The following LY75 variants were observed in gnomAD, a reference collection of about 807,000 sequenced individuals.
LY75 encodes C-type lectin domain family 13 member B.
Under a neutral mutation model 231.7 loss-of-function variants are expected in LY75, and 185 were observed. The ratio of observed to expected loss-of-function variants is 0.80; its 90% confidence interval spans 0.71 to 0.90. The LOEUF (loss-of-function observed/expected upper bound fraction) is 0.90, where lower values mean the gene tolerates loss of function less well. LY75 is among the 40% of genes least tolerant of loss of function. The pLI, the probability that LY75 is intolerant of heterozygous loss-of-function variation, is 0.00. For missense variants in LY75, 1,947 were observed against 2,050.2 expected, an observed-to-expected ratio of 0.95 and a Z score of 0.97; for synonymous variants, 668 against 689.0, an observed-to-expected ratio of 0.97 and a Z score of 0.48.
chr2:159,835,956 G>A (rs34270319), intron 25 of LY75, among the ~76,000 whole-genome samples: 2,096 of 152,152 alleles, frequency 0.014, 20 homozygotes, highest in Admixed American at 0.029. Context: ...CCAGGCTGTC[G>A]ATCCCCAGAG....
At position 159,850,433 on chromosome 2, in the gene LY75, A is replaced by T. The variant is rs767547119; in HGVS notation, c.2918T>A (p.Phe973Tyr). 3.7e-6 allele frequency: 6 copies of T among 1,613,694 alleles called. No individual in the cohort carries two copies. The South Asian group carries it at 6.6e-5, about 18-fold the overall frequency. ...FLKIKPVSLT[F>Y]SQASDTCHSY... is the part of the protein sequence containing the mutation. ...GTGACAGGTATCGCTTGCTTGAGAA[A>T]ATGTGAGAGACACGGGTTTGATCTT... Residue 973 changes from phenylalanine (F) to tyrosine (Y), a missense_variant, in exon 22 of 35, where the codon TTT becomes TAT. Phe to Tyr is a conservative substitution (Grantham distance 22, BLOSUM62 3). Coordinates refer to ENST00000263636, the MANE Select transcript of LY75 (RefSeq NM_002349.4).
intron 28 of LY75, among the ~76,000 whole-genome samples, chr2:159,829,467 T>C (rs1454477978): frequency 6.6e-6 from 1 of 152,188 alleles, no homozygotes; most frequent in African/African-American, 2.4e-5. Context: ...GGCCCTGCTA[T>C]TGAAAAATCA....
At chr2:159,883,922 G>A (rs1199554776) in intron 6 of LY75, among the ~76,000 whole-genome samples, 1 of 152,122 alleles carries the variant, frequency 6.6e-6, no homozygotes, top group African/African-American at 2.4e-5. Context: ...CCTTAAAGCA[G>A]GACATTTAAA....
intron 30 of LY75, among the ~76,000 whole-genome samples, chr2:159,816,363 T>C (rs1038515278): frequency 6.6e-6 from 1 of 152,202 alleles, no homozygotes; most frequent in Non-Finnish European, 1.5e-5. Context: ...GATGGTACTT[T>C]GTATAAACTT....
chr2:159,885,390 T>A (rs1685554356), intron 5 of LY75, 97 bp from the exon 6 acceptor site: 1 of 1,474,918 alleles, frequency 6.8e-7, no homozygotes, highest in African/African-American at 1.4e-5. Context: ...TATGCTTTTA[T>A]GGGAACTCAT....
At chr2:159,892,486 G>A (rs1230306370) in intron 3 of LY75, among the ~76,000 whole-genome samples, 1 of 152,142 alleles carries the variant, frequency 6.6e-6, no homozygotes, top group Admixed American at 6.6e-5. Flanking sequence ...ACCTTTCAGG[G>A]TTGCTGTGAG....
chr2:159,841,217 T>C (rs1684016765), intron 24 of LY75, among the ~76,000 whole-genome samples: 2 of 152,330 alleles, frequency 1.3e-5, no homozygotes, highest in South Asian at 4.1e-4. Context: ...TGCAAATAAA[T>C]GTAACCTGCA....
In LY75 at chr2:159,864,914, C is replaced by G. The variant is rs1165526551; in HGVS notation, c.2124G>C (p.Gln708His). ...LHFLTDQFSG[Q>H]HWLWIGLNKR... ...TATTCAAACCAATCCACAGCCAATG[C>G]TGGCCACTATGTAAAAAGCAAGTGT... Residue 708 changes from glutamine to histidine, a missense_variant, in exon 14 of 35, where the codon CAG (glutamine) becomes CAC (histidine). Coordinates refer to ENST00000263636, the MANE Select transcript of LY75 (RefSeq NM_002349.4). 2.5e-6 allele frequency: 4 copies of G among 1,598,812 alleles called. No homozygotes were observed. The highest frequency in any genetic ancestry group is 2.6e-6 in the Non-Finnish European group (3 of 1,173,676).
intron 29 of LY75, among the ~76,000 whole-genome samples, chr2:159,817,305 T>C (rs1683149889): frequency 1.3e-5 from 2 of 152,208 alleles, no homozygotes; most frequent in African/African-American, 4.8e-5. Flanking sequence ...GCTGAAATGA[T>C]GGCAAAACTG....
chr2:159,854,286 A>C (rs917824369), intron 18 of LY75, 74 bp downstream of exon 18: 28 of 1,192,024 alleles, frequency 2.3e-5, no homozygotes, highest in Non-Finnish European at 2.7e-5. Flanking sequence ...ATTTTGGCAA[A>C]ATTTTTGTAA....
intron 28 of LY75, among the ~76,000 whole-genome samples, chr2:159,827,451 A>T (rs574923805): frequency 1.3e-5 from 2 of 152,352 alleles, no homozygotes; most frequent in African/African-American, 4.8e-5. Context: ...TTAAAAAGTC[A>T]GGAACAACAG....
chr2:159,822,646 G>C (rs1234527503), intron 28 of LY75, among the ~76,000 whole-genome samples: 1 of 152,160 alleles, frequency 6.6e-6, no homozygotes, highest in African/African-American at 2.4e-5. Flanking sequence ...TCCTCAAGTG[G>C]GTCTCTGACC....
intron 4 of LY75, among the ~76,000 whole-genome samples, chr2:159,887,121 T>G (rs573119493): frequency 6.9e-6 from 1 of 145,948 alleles, no homozygotes; most frequent in Non-Finnish European, 1.5e-5. Context: ...ATATATATAT[T>G]ATATATAATA....
chr2:159,904,693 C>A lies in LY75; in HGVS notation c.-11G>T. 2.1e-6 allele frequency: 3 copies of A among 1,421,302 alleles called. No individual in the cohort carries two copies. The highest frequency in any genetic ancestry group is 1.5e-5 in the South Asian group (1 of 68,692). 88.0% of individuals were successfully genotyped at this position (1,421,302 alleles called of 1,614,324 possible). On this transcript the variant is annotated 5_prime_UTR_variant, in exon 1 of 35. Coordinates refer to ENST00000263636, the MANE Select transcript of LY75 (RefSeq NM_002349.4). Reference sequence around the variant, plus strand: ...CCAGCCTGTCCTCATCCTGAGCTGGCGCAAGCCTTCCGGCCGGGTCCTCGG... The same window carrying A: ...CCAGCCTGTCCTCATCCTGAGCTGGAGCAAGCCTTCCGGCCGGGTCCTCGG...
At chr2:159,836,129 A>G (rs1362062827) in intron 25 of LY75, among the ~76,000 whole-genome samples, 1 of 152,108 alleles carries the variant, frequency 6.6e-6, no homozygotes, top group South Asian at 2.1e-4. Context: ...CTAAACCTAC[A>G]TGGTTTTGAA....
rs114727644 is a variant in LY75 at position 159,878,680 on chromosome 2, C to A, written c.1557G>T (p.Glu519Asp). Residue 519 changes from glutamate to aspartate, a missense_variant, in exon 10 of 35, where the codon GAG becomes GAT. By Grantham distance (45) the Glu-to-Asp change is conservative. Coordinates refer to ENST00000263636, the MANE Select transcript of LY75 (RefSeq NM_002349.4). ...AGTTTGTTCCAAAAGGGACCTCATC[C>A]TCATAAATCTTGTAACAGGTTTCTC... ...RHGETCYKIY[E>D]DEVPFGTNCN... is the part of the protein sequence containing the mutation. 1.9e-3 allele frequency: 3,139 copies of A among 1,613,926 alleles called. 44 individuals are homozygous for A. The African/African-American group carries it at 0.038, about 19-fold the overall frequency.
chr2:159,898,254 G>A (rs1248316425), intron 2 of LY75, among the ~76,000 whole-genome samples: 2 of 152,096 alleles, frequency 1.3e-5, no homozygotes, highest in Admixed American at 6.6e-5. Flanking sequence ...AGCTGGGACC[G>A]CAACCATGCA....
At chr2:159,823,891 G>C (rs1190311726) in intron 28 of LY75, among the ~76,000 whole-genome samples, 1 of 152,156 alleles carries the variant, frequency 6.6e-6, no homozygotes, top group Non-Finnish European at 1.5e-5. Flanking sequence ...TGACAGACAG[G>C]CAAGTGCTGA....
intron 14 of LY75, among the ~76,000 whole-genome samples, chr2:159,863,037 A>C (rs1684760829): frequency 1.4e-5 from 2 of 146,136 alleles, no homozygotes. Context: ...TTTAAATTCC[A>C]CATCTCAGTG....
Sources: allele counts gnomAD v4.1 joint callset (sites outside exome capture counted in the v4.1 genomes callset), GRCh38; gene constraint gnomAD v4.1.1; transcripts MANE v1.5; gene names NCBI Gene and HGNC (gene_info 2026-07-23, HGNC 2026-07-21).